NUP155: variants seen among roughly 807,000 people sequenced by gnomAD.
The protein encoded by NUP155 is nuclear pore complex protein Nup155.
In NUP155, 71 loss-of-function variants were observed where a neutral mutation model predicts 180.4. The observed-to-expected ratio is 0.39, with a 90% CI of 0.33 to 0.48. The LOEUF is 0.48. Ranked by LOEUF, NUP155 falls within the 20% of genes least tolerant of loss-of-function variation. The pLI is 0.91. For synonymous variants in NUP155, 582 were observed against 559.5 expected, an observed-to-expected ratio of 1.04 and a Z score of -0.57; for missense variants, 1,553 against 1,648.9, an observed-to-expected ratio of 0.94 and a Z score of 1.01.
chr5:37,369,405 G>A lies in NUP155; in HGVS notation c.157+1416C>T, dbSNP rs559029087. 6.6e-5 allele frequency among the ~76,000 whole-genome samples: 10 copies of A among 152,270 alleles called. No homozygotes were observed. In the South Asian group the frequency reaches 8.3e-4, roughly 13 times the overall value. On this transcript the variant is annotated intron_variant, in intron 1 of 34. Coordinates refer to ENST00000231498, the MANE Select transcript of NUP155 (RefSeq NM_153485.3). Reference sequence around the variant, plus strand: ...AAATCCTGAAGATGGGGCTTCTTACGGAAAATATGCTAAATTCTCTGTAAT... The same window carrying A: ...AAATCCTGAAGATGGGGCTTCTTACAGAAAATATGCTAAATTCTCTGTAAT...
chr5:37,320,516 T>A (rs189627664), intron 20 of NUP155, among the ~76,000 whole-genome samples: 1 of 152,238 alleles, frequency 6.6e-6, no homozygotes, highest in Admixed American at 6.5e-5. Context: ...GATTACCTTG[T>A]GCAGAGAGGA....
At chr5:37,308,420 C>T (rs945920440) in intron 24 of NUP155, among the ~76,000 whole-genome samples, 19 of 151,782 alleles carry the variant, frequency 1.3e-4, no homozygotes, top group South Asian at 4.2e-4. Context: ...GGGCAATGGC[C>T]GGGCGCGGTG....
intron 21 of NUP155, among the ~76,000 whole-genome samples, chr5:37,317,147 C>T (rs974151330): frequency 5.1e-5 from 7 of 138,178 alleles, no homozygotes; most frequent in African/African-American, 8.1e-5. Flanking sequence ...CCAGCCTGGG[C>T]GACAGAGTGA....
intron 32 of NUP155, among the ~76,000 whole-genome samples, chr5:37,296,052 TG>T (rs556573352): frequency 7.3e-6 from 1 of 137,270 alleles, no homozygotes; most frequent in Non-Finnish European, 1.6e-5. Context: ...GGGAGGGAGG[TG>T]GGGGGGTCAG....
intron 21 of NUP155, among the ~76,000 whole-genome samples, chr5:37,315,992 C>T (rs974628381): frequency 6.6e-6 from 1 of 152,108 alleles, no homozygotes; most frequent in African/African-American, 2.4e-5. Flanking sequence ...TGCTATGAAA[C>T]AGTATGGCAG....
intron 3 of NUP155, among the ~76,000 whole-genome samples, chr5:37,359,786 A>C (rs1422652708): frequency 6.6e-6 from 1 of 152,210 alleles, no homozygotes; most frequent in African/African-American, 2.4e-5. Context: ...AAACTATCAG[A>C]CAAGAAATGT....
intron 5 of NUP155, among the ~76,000 whole-genome samples, chr5:37,351,691 C>T (rs531662926): frequency 5.9e-5 from 9 of 151,924 alleles, no homozygotes; most frequent in South Asian, 4.2e-4. Context: ...TCTCGTGATC[C>T]GCCTGCCTCG....
intron 1 of NUP155, 152 bp downstream of exon 1, chr5:37,370,669 A>T (rs1028816290): frequency 5.9e-5 from 94 of 1,598,964 alleles, no homozygotes; most frequent in Admixed American, 4.5e-4. Flanking sequence ...AAAAAACCTG[A>T]AAAGAAGCTG....
chr5:37,308,017 A>C (rs1460082148), intron 24 of NUP155, among the ~76,000 whole-genome samples: 1 of 151,526 alleles, frequency 6.6e-6, no homozygotes. Context: ...CAAAAAGGAA[A>C]GTTTTAGTTC....
chr5:37,293,024 G>T, intron 33 of NUP155, 39 bp from the exon 34 acceptor site: 1 of 1,288,962 alleles, frequency 7.8e-7, no homozygotes, highest in Non-Finnish European at 1.1e-6. Flanking sequence ...GAGGCAAATT[G>T]TGTCAATTGA....
intron 1 of NUP155, among the ~76,000 whole-genome samples, chr5:37,369,553 C>T (rs910187061): frequency 6.6e-6 from 1 of 150,892 alleles, no homozygotes; most frequent in Non-Finnish European, 1.5e-5. Context: ...GTTTTTATAT[C>T]TTGTTTTCAC....
chr5:37,327,214 A>G (rs1744657137), intron 18 of NUP155: 3 of 272,680 alleles, frequency 1.1e-5, no homozygotes, highest in Non-Finnish European at 2.1e-5. Flanking sequence ...ACACCATGCA[A>G]AAGTTAAAAA....
At position 37,291,961 on chromosome 5, in the gene NUP155, G is replaced by A. The variant is rs1742253975; in HGVS notation, c.4115C>T (p.Ala1372Val). 2 of 1,613,832 alleles carry A rather than the reference G, an allele frequency of 1.2e-6. No individual in the cohort carries two copies. Among genetic ancestry groups the A allele is most frequent in the African/African-American group, 2.7e-5 (2 of 75,030 alleles). The change falls in exon 35 of 35, where the codon GCA becomes GTA. Residue 1372 changes from alanine to valine, a missense_variant. By Grantham distance (64) the Ala-to-Val change is moderately conservative (BLOSUM62 0). Transcript: ENST00000231498. Reference protein sequence around the residue: ...VELQSMSSSVAVQAITGNFKS... With the variant: ...VELQSMSSSVVVQAITGNFKS... ...AAAATTCCCAGTGATGGCTTGTACTGCTACTGACGAGCTCATAGACTGGAG... is the reference window on the plus strand; with the variant it reads ...AAAATTCCCAGTGATGGCTTGTACTACTACTGACGAGCTCATAGACTGGAG...
intron 17 of NUP155, 132 bp downstream of exon 17, chr5:37,328,226 A>G: frequency 1.4e-6 from 1 of 738,158 alleles, no homozygotes; most frequent in Admixed American, 2.7e-5. Flanking sequence ...ACTTGCTTGG[A>G]CAGCGCTTCT....
chr5:37,302,908 G>A lies in NUP155; in HGVS notation c.3318C>T (p.Ser1106=). ...GTCGCTGCTGAAGTGAAATTTCTGT[G>A]CTAGAAGGGAAAACGCTTATTTTTA... is the stretch of plus-strand genomic sequence containing the variant. ...RVLSRLADMH[S]TEISLQQRLE... is the part of the protein sequence containing the mutation. Residue 1106 remains serine (S), a splice_region_variant and synonymous_variant, in exon 29 of 35, where the codon AGC becomes AGT. Coordinates refer to ENST00000231498, the MANE Select transcript of NUP155 (RefSeq NM_153485.3). 6.2e-7 allele frequency: 1 copy of A among 1,613,786 alleles called. No homozygotes were observed. Among genetic ancestry groups the A allele is most frequent in the South Asian group, 1.1e-5 (1 of 91,064 alleles).
chr5:37,301,113 G>T, intron 30 of NUP155: 1 of 325,518 alleles, frequency 3.1e-6, no homozygotes, highest in South Asian at 2.7e-5. Context: ...GTGAGCCACA[G>T]TGCCTGGCCT....
intron 33 of NUP155, among the ~76,000 whole-genome samples, chr5:37,293,998 G>A (rs1190239697): frequency 7.4e-5 from 2 of 26,964 alleles, no homozygotes; most frequent in Non-Finnish European, 1.0e-4. Context: ...AGAGCGAGAC[G>A]CCGTCTCAAA....
intron 32 of NUP155, 150 bp from the exon 33 acceptor site, chr5:37,294,615 C>T (rs1581124531): frequency 9.8e-6 from 7 of 713,668 alleles, no homozygotes; most frequent in African/African-American, 1.8e-5. Context: ...TGCTATGTTG[C>T]CCAGACTAGA....
intron 10 of NUP155, 60 bp downstream of exon 10, chr5:37,342,489 A>G: frequency 9.6e-7 from 1 of 1,041,996 alleles, no homozygotes; most frequent in Non-Finnish European, 1.5e-6. Flanking sequence ...TAAATTTCCA[A>G]ATCTAAGAAT....
Sources: allele counts gnomAD v4.1 joint callset (sites outside exome capture counted in the v4.1 genomes callset), GRCh38; gene constraint gnomAD v4.1.1; transcripts MANE v1.5; gene names NCBI Gene and HGNC (gene_info 2026-07-23, HGNC 2026-07-21).